The following SHOC2 variants were observed in gnomAD, a reference collection of about 807,000 sequenced individuals.
SHOC2 encodes SHOC2 leucine rich repeat scaffold protein.
A neutral mutation model predicts 50.2 loss-of-function variants in SHOC2; 4 were observed. That is an observed-to-expected ratio of 0.08 (90% CI 0.04 to 0.18). The LOEUF (loss-of-function observed/expected upper bound fraction) is 0.18. Ranked by LOEUF, SHOC2 falls within the 10% of genes least tolerant of loss-of-function variation. The pLI, the probability that SHOC2 is intolerant of heterozygous loss-of-function variation, is 1.00. For missense variants in SHOC2, 388 were observed against 669.6 expected (o/e 0.58, Z 4.64); for synonymous variants, 218 against 244.5 (o/e 0.89, Z 1.01).
intron 8 of SHOC2, among the ~76,000 whole-genome samples, chr10:111,010,172 A>G (rs773382195): frequency 6.6e-6 from 1 of 152,168 alleles, no homozygotes; most frequent in Non-Finnish European, 1.5e-5. Flanking sequence ...GTTTTATGCC[A>G]AAAGAACATT....
chr10:111,000,218 G>A (rs111332605), intron 3 of SHOC2, among the ~76,000 whole-genome samples, 197 bp from the exon 4 acceptor site: 49 of 151,840 alleles, frequency 3.2e-4, no homozygotes, highest in African/African-American at 1.0e-3. Flanking sequence ...TTATTTCTCC[G>A]AGACAAGTGA....
chr10:110,945,775 G>A (rs985317067), intron 1 of SHOC2, among the ~76,000 whole-genome samples: 3 of 152,024 alleles, frequency 2.0e-5, no homozygotes, highest in Non-Finnish European at 4.4e-5. Context: ...TTCATGTTGC[G>A]CAGCCTCCTC....
intron 2 of SHOC2, among the ~76,000 whole-genome samples, chr10:110,972,629 G>A (rs187391944): frequency 1.7e-3 from 265 of 152,252 alleles, no homozygotes; most frequent in African/African-American, 6.3e-3. Flanking sequence ...TGGATTACTT[G>A]AGCCCAGGAG....
chr10:110,952,230 A>G (rs1289660891), intron 1 of SHOC2, among the ~76,000 whole-genome samples: 1 of 152,168 alleles, frequency 6.6e-6, no homozygotes, highest in African/African-American at 2.4e-5. Flanking sequence ...TTTTAGGTTC[A>G]TAGCAAAATT....
intron 3 of SHOC2, among the ~76,000 whole-genome samples, chr10:110,987,718 A>G (rs1037100997): frequency 4.6e-5 from 7 of 152,112 alleles, no homozygotes; most frequent in African/African-American, 1.4e-4. Flanking sequence ...GAACAAGGAG[A>G]TGTGACCTTA....
At chr10:110,922,538 T>C (rs896179564) in intron 1 of SHOC2, among the ~76,000 whole-genome samples, 21 of 152,098 alleles carry the variant, frequency 1.4e-4, no homozygotes, top group Admixed American at 1.2e-3. Context: ...TATGTAGATA[T>C]AAGGATGCAT....
intron 3 of SHOC2, among the ~76,000 whole-genome samples, chr10:110,999,736 C>CAAAAAAAAA (rs145780250): frequency 3.1e-4 from 25 of 81,666 alleles, no homozygotes; most frequent in African/African-American, 1.2e-3. Flanking sequence ...GACTCAGTCT[C>CAAAAAAAAA]AAAAAAAAAA....
intron 1 of SHOC2, among the ~76,000 whole-genome samples, chr10:110,932,107 T>TCA (rs1191697434): frequency 1.3e-5 from 2 of 152,164 alleles, no homozygotes; most frequent in Non-Finnish European, 2.9e-5. Context: ...GAATTGTAAA[T>TCA]CTGTGTTTCT....
At chr10:111,010,965 G>C (rs1158595764) in intron 8 of SHOC2, among the ~76,000 whole-genome samples, 1 of 152,086 alleles carries the variant, frequency 6.6e-6, no homozygotes, top group Non-Finnish European at 1.5e-5. Flanking sequence ...AACACATGAG[G>C]CAAATTTACA....
intron 1 of SHOC2, among the ~76,000 whole-genome samples, chr10:110,933,323 T>TA (rs932266353): frequency 6.6e-5 from 10 of 152,264 alleles, no homozygotes; most frequent in Admixed American, 6.5e-4. Flanking sequence ...ATAGCATTGC[T>TA]AACACTTTAT....
At chr10:110,931,467 G>A (rs1320316080) in intron 1 of SHOC2, among the ~76,000 whole-genome samples, 4 of 152,000 alleles carry the variant, frequency 2.6e-5, no homozygotes, top group Non-Finnish European at 5.9e-5. Flanking sequence ...AAATATATAG[G>A]TTTACATGAT....
intron 1 of SHOC2, among the ~76,000 whole-genome samples, chr10:110,930,937 A>G (rs1245038055): frequency 6.6e-6 from 1 of 152,036 alleles, no homozygotes; most frequent in Non-Finnish European, 1.5e-5. Context: ...GTGTTGTACA[A>G]GAGAGCTGTA....
At chr10:110,994,329 A>G (rs934854295) in intron 3 of SHOC2, among the ~76,000 whole-genome samples, 1 of 152,222 alleles carries the variant, frequency 6.6e-6, no homozygotes, top group Non-Finnish European at 1.5e-5. Flanking sequence ...CAAGGATGTG[A>G]GTAAATGGGG....
At chr10:110,944,869 T>C (rs2134095730) in intron 1 of SHOC2, among the ~76,000 whole-genome samples, 1 of 152,272 alleles carries the variant, frequency 6.6e-6, no homozygotes, top group South Asian at 2.1e-4. Flanking sequence ...GCCAGAGGAT[T>C]TTGTGTGTGT....
intron 2 of SHOC2, among the ~76,000 whole-genome samples, chr10:110,976,816 AT>A (rs929024448): frequency 6.6e-6 from 1 of 151,848 alleles, no homozygotes; most frequent in African/African-American, 2.4e-5. Context: ...AATTAGAAAA[AT>A]TTTGGCCATT....
At chr10:110,922,411 ATTTG>A (rs1846672080) in intron 1 of SHOC2, among the ~76,000 whole-genome samples, 1 of 151,724 alleles carries the variant, frequency 6.6e-6, no homozygotes, top group African/African-American at 2.4e-5. Context: ...CATTTTCAAT[ATTTG>A]TTGTATCATT....
At chr10:110,925,315 G>A (rs1363611191) in intron 1 of SHOC2, among the ~76,000 whole-genome samples, 1 of 152,014 alleles carries the variant, frequency 6.6e-6, no homozygotes, top group Non-Finnish European at 1.5e-5. Context: ...TTATACCCTA[G>A]AAGCAGGCTT....
intron 3 of SHOC2, 65 bp from the exon 4 acceptor site, chr10:111,000,350 T>G: frequency 6.6e-7 from 1 of 1,513,966 alleles, no homozygotes; most frequent in Non-Finnish European, 9.2e-7. Flanking sequence ...GTAGATAGCC[T>G]GTGACAGTGA....
intron 1 of SHOC2, among the ~76,000 whole-genome samples, chr10:110,925,418 A>G (rs1846749485): frequency 6.6e-6 from 1 of 151,966 alleles, no homozygotes; most frequent in South Asian, 2.1e-4. Context: ...TTTTTAAGAC[A>G]GGGTCTCTTT....
Sources: allele counts gnomAD v4.1 joint callset (sites outside exome capture counted in the v4.1 genomes callset), GRCh38; gene constraint gnomAD v4.1.1; transcripts MANE v1.5; gene names NCBI Gene and HGNC (gene_info 2026-07-23, HGNC 2026-07-21).